Variants in ZNF254 observed in about 807,000 individuals in gnomAD.
ZNF254 encodes the protein CTD-2017D11.1.
In ZNF254, 10 loss-of-function variants were observed where a neutral mutation model predicts 12.4. The ratio of observed to expected loss-of-function variants is 0.80; its 90% CI spans 0.50 to 1.36. The LOEUF is 1.36. ZNF254 is among the 40% of genes most tolerant of loss of function. The pLI, the probability that ZNF254 is intolerant of heterozygous loss-of-function variation, is 0.00. For missense variants in ZNF254, 996 were observed against 763.9 expected (o/e 1.30, Z -3.58); for synonymous variants, 305 against 253.4 (o/e 1.20, Z -1.93).
chr19:24,094,445 G>C (rs968129356), intron 1 of ZNF254, among the ~76,000 whole-genome samples: 3 of 151,824 alleles, frequency 2.0e-5, no homozygotes, highest in African/African-American at 7.3e-5. Context: ...ATTTTTAGTA[G>C]AGGTGGGGTT....
At chr19:24,120,533 A>G (rs1376776454) in intron 3 of ZNF254, among the ~76,000 whole-genome samples, 1 of 152,172 alleles carries the variant, frequency 6.6e-6, no homozygotes. Context: ...TCATTATGAT[A>G]GTAAAGATTT....
In ZNF254 at chr19:24,129,708, A is replaced by G. The variant is rs1975112595; in HGVS notation, c.*1728A>G. On this transcript the variant is annotated 3_prime_UTR_variant, in exon 4 of 4. Transcript: ENST00000357002. ...GCATTTATTCTTTTTATTACAAGCA[A>G]TTCAATTGTACACTTTTAGTTATTT... 1.3e-5 allele frequency: 2 copies of G among 152,052 alleles called. No individual in the cohort carries two copies. The allele number at this position is 152,052 out of a possible 1,614,324, so 9.4% of individuals were successfully genotyped here. A position where few individuals can be genotyped will look rare whatever the true frequency, so the allele number is the denominator to read the frequency against.
chr19:24,045,144 C>G (rs1484841933), intron 1 of ZNF254, among the ~76,000 whole-genome samples: 1 of 152,120 alleles, frequency 6.6e-6, no homozygotes, highest in East Asian at 1.9e-4. Context: ...CAAGCACATC[C>G]AGGAATACAC....
chr19:24,092,735 T>C (rs2145689678), intron 1 of ZNF254, among the ~76,000 whole-genome samples: 1 of 152,352 alleles, frequency 6.6e-6, no homozygotes. Context: ...GTCGATTCCA[T>C]GTCTTTGCTA....
intron 3 of ZNF254, among the ~76,000 whole-genome samples, chr19:24,124,449 T>G (rs1974692633): frequency 6.6e-6 from 1 of 152,186 alleles, no homozygotes; most frequent in Admixed American, 6.5e-5. Context: ...AATCATGTAT[T>G]TTTATATGAT....
intron 2 of ZNF254, among the ~76,000 whole-genome samples, chr19:24,047,592 CTTCCT>C (rs1970443914): frequency 1.8e-5 from 2 of 113,482 alleles, no homozygotes; most frequent in East Asian, 5.0e-4. Context: ...CTTTTTCATT[CTTCCT>C]TTTTTTTTTT....
chr19:24,097,555 G>A (rs1483233189), intron 1 of ZNF254, among the ~76,000 whole-genome samples: 2 of 152,056 alleles, frequency 1.3e-5, no homozygotes. Context: ...GTTGAGGTGG[G>A]CAGATCACCT....
intron 3 of ZNF254, among the ~76,000 whole-genome samples, chr19:24,123,293 A>G (rs1394473312): frequency 5.3e-5 from 8 of 152,200 alleles, no homozygotes; most frequent in Admixed American, 3.9e-4. Flanking sequence ...GTTTACTTTT[A>G]AAAAGTTTGG....
intron 3 of ZNF254, among the ~76,000 whole-genome samples, chr19:24,121,370 A>G (rs987157209): frequency 1.3e-5 from 2 of 152,032 alleles, no homozygotes; most frequent in South Asian, 2.1e-4. Context: ...TGTGTTATAT[A>G]TTCTAGCATA....
At chr19:24,081,061 AGT>A (rs1438291771) in intron 2 of ZNF254, among the ~76,000 whole-genome samples, 1 of 147,998 alleles carries the variant, frequency 6.8e-6, no homozygotes, top group African/African-American at 2.6e-5. Context: ...TGGGCGACAG[AGT>A]GAGACTCCTT....
Position 24,127,455 on chromosome 19 carries a change from T to G in ZNF254, c.1455T>G (p.Thr485=), listed in dbSNP as rs1974961067. The G allele has an allele frequency of 6.2e-7, 1 of 1,612,668 alleles. No homozygotes were observed. The highest frequency in any genetic ancestry group is 1.1e-5 in the South Asian group (1 of 91,050). ...TAACTAGACATAAGAGGATGCACACTGGAGAGAAACCCTACAAATGTGAAG... is the reference window on the plus strand; with the variant it reads ...TAACTAGACATAAGAGGATGCACACGGGAGAGAAACCCTACAAATGTGAAG... ...STLTRHKRMH[T]GEKPYKCEEC... Residue 485 remains threonine, a synonymous_variant, in exon 4 of 4, where the codon ACT becomes ACG. Coordinates refer to ENST00000357002, the MANE Select transcript of ZNF254 (RefSeq NM_203282.4).
chr19:24,054,468 A>C (rs1970765079), intron 2 of ZNF254, among the ~76,000 whole-genome samples: 1 of 152,194 alleles, frequency 6.6e-6, no homozygotes, highest in Non-Finnish European at 1.5e-5. Flanking sequence ...CTTTTTATGA[A>C]GGTCATAAAG....
At chr19:24,082,422 G>A (rs536188397), upstream of ZNF254, among the ~76,000 whole-genome samples, 30 of 132,488 alleles carry the variant, frequency 2.3e-4, no homozygotes, top group Non-Finnish European at 3.5e-4. Flanking sequence ...CGAGGCGGGC[G>A]GATCACGAGG....
At chr19:24,087,367 A>C in intron 1 of ZNF254, 30 bp downstream of exon 1, 1 of 1,612,842 alleles carries the variant, frequency 6.2e-7, no homozygotes, top group Non-Finnish European at 8.5e-7. Context: ...ATCCCGAGAG[A>C]GGGGAGGGGG....
chr19:24,087,632 G>A (rs926057553), intron 1 of ZNF254, among the ~76,000 whole-genome samples: 1 of 152,182 alleles, frequency 6.6e-6, no homozygotes, highest in African/African-American at 2.4e-5. Flanking sequence ...GGGTCGTCAG[G>A]GGAGAATCCT....
intron 2 of ZNF254, among the ~76,000 whole-genome samples, chr19:24,076,109 A>G (rs1271519896): frequency 6.6e-6 from 1 of 152,206 alleles, no homozygotes; most frequent in Non-Finnish European, 1.5e-5. Flanking sequence ...TGCAATCATC[A>G]CAGGGTCTTG....
chr19:24,118,500 GT>G (rs1444158860), intron 3 of ZNF254, among the ~76,000 whole-genome samples: 1 of 151,722 alleles, frequency 6.6e-6, no homozygotes, highest in Non-Finnish European at 1.5e-5. Context: ...CAAATTTTTT[GT>G]TTGTGTTTTT....
chr19:24,118,701 G>A (rs1292159575), intron 3 of ZNF254, among the ~76,000 whole-genome samples: 1 of 152,078 alleles, frequency 6.6e-6, no homozygotes, highest in African/African-American at 2.4e-5. Context: ...AAATTTGGAA[G>A]TGTAGTATAG....
intron 1 of ZNF254, among the ~76,000 whole-genome samples, chr19:24,095,571 T>C (rs1438122370): frequency 6.6e-6 from 1 of 152,196 alleles, no homozygotes; most frequent in East Asian, 1.9e-4. Flanking sequence ...GAGCTTCTTA[T>C]TCATCTATTT....
Sources: allele counts gnomAD v4.1 joint callset (sites outside exome capture counted in the v4.1 genomes callset), GRCh38; gene constraint gnomAD v4.1.1; transcripts MANE v1.5; gene names NCBI Gene and HGNC (gene_info 2026-07-23, HGNC 2026-07-21).